NCKAP5: variants seen among roughly 807,000 people sequenced by gnomAD.
NCKAP5 encodes nck-associated protein 5.
A neutral mutation model predicts 167.0 loss-of-function variants in NCKAP5; 92 were observed. The ratio of observed to expected loss-of-function variants is 0.55; its 90% confidence interval spans 0.47 to 0.66. NCKAP5 has a LOEUF of 0.66. Ranked by LOEUF, NCKAP5 falls within the 30% of genes least tolerant of loss-of-function variation. The probability of loss-of-function intolerance (pLI) is 0.00; values close to 1 mark genes in which losing one functional copy is unlikely to be tolerated. For synonymous variants in NCKAP5, 891 were observed against 877.4 expected, an observed-to-expected ratio of 1.02 and a Z score of -0.27; for missense variants, 2,378 against 2,315.0, an observed-to-expected ratio of 1.03 and a Z score of -0.56.
At chr2:132,744,635 TAAA>T (rs74799315) in intron 16 of NCKAP5, among the ~76,000 whole-genome samples, 4 of 145,262 alleles carry the variant, frequency 2.8e-5, no homozygotes, top group African/African-American at 7.5e-5. Context: ...TTAAGAAAAT[TAAA>T]AAAAAAAACA....
intron 5 of NCKAP5, among the ~76,000 whole-genome samples, chr2:133,188,236 T>C (rs1207205156): frequency 1.3e-5 from 2 of 152,110 alleles, no homozygotes; most frequent in South Asian, 2.1e-4. Context: ...GAGCTAACTA[T>C]CCTAAATATA....
chr2:132,773,455 A>G (rs1682269214), intron 16 of NCKAP5, among the ~76,000 whole-genome samples: 1 of 152,252 alleles, frequency 6.6e-6, no homozygotes, highest in African/African-American at 2.4e-5. Flanking sequence ...CGTGTAAAAC[A>G]TTCAATTTAT....
intron 2 of NCKAP5, among the ~76,000 whole-genome samples, chr2:133,554,861 T>A (rs564435155): frequency 1.3e-5 from 2 of 152,226 alleles, no homozygotes; most frequent in African/African-American, 2.4e-5. Flanking sequence ...AAGTCACACA[T>A]GAACTGAAGT....
chr2:133,437,709 T>C (rs1482388431), intron 3 of NCKAP5, among the ~76,000 whole-genome samples: 1 of 152,134 alleles, frequency 6.6e-6, no homozygotes, highest in Non-Finnish European at 1.5e-5. Flanking sequence ...GATGTCAGAC[T>C]TCTTGCATGT....
chr2:133,595,042 G>A, the NCKAP5 span, among the ~76,000 whole-genome samples: 1 of 152,180 alleles, frequency 6.6e-6, no homozygotes, highest in Non-Finnish European at 1.5e-5. Flanking sequence ...AGAAACAACT[G>A]TGGATTCCCA....
chr2:133,216,569 C>T (rs944858554), intron 4 of NCKAP5, among the ~76,000 whole-genome samples: 2 of 152,122 alleles, frequency 1.3e-5, no homozygotes, highest in African/African-American at 4.8e-5. Context: ...CAATTCTAAA[C>T]TTCTACTAGA....
chr2:133,447,528 T>TCCCCCTTCCCTC (rs1691279095), intron 3 of NCKAP5, among the ~76,000 whole-genome samples: 1 of 144,656 alleles, frequency 6.9e-6, no homozygotes, highest in South Asian at 2.4e-4. Context: ...TCCCTTCCTT[T>TCCCCCTTCCCTC]CCCTTCCTTT....
At chr2:132,941,433 A>T (rs1697289447) in intron 8 of NCKAP5, among the ~76,000 whole-genome samples, 1 of 152,176 alleles carries the variant, frequency 6.6e-6, no homozygotes, top group Non-Finnish European at 1.5e-5. Context: ...TAGTCCAACC[A>T]GTTTCAAGCT....
intron 6 of NCKAP5, among the ~76,000 whole-genome samples, chr2:133,020,597 G>T (rs532647285): frequency 5.9e-5 from 9 of 152,306 alleles, no homozygotes; most frequent in South Asian, 4.1e-4. Context: ...TGGGGCACAG[G>T]ATAATGTGTC....
At chr2:132,879,003 CT>C (rs1691542408) in intron 8 of NCKAP5, 87 bp from the exon 9 acceptor site, 1 of 1,020,832 alleles carries the variant, frequency 9.8e-7, no homozygotes, top group Non-Finnish European at 1.5e-6. Context: ...CTAAATATAT[CT>C]CCTCGTGATC....
chr2:132,982,110 AG>A, intron 7 of NCKAP5, among the ~76,000 whole-genome samples: 1 of 152,364 alleles, frequency 6.6e-6, no homozygotes, highest in East Asian at 1.9e-4. Flanking sequence ...GGCTATGTGA[AG>A]GGGAAGAACA....
chr2:132,731,806 A>C lies in NCKAP5; in HGVS notation c.5374T>G (p.Ser1792Ala). Residue 1792 changes from serine (S) to alanine (A), a missense_variant, in exon 17 of 20, where the codon TCC becomes GCC. Physicochemically the swap from Ser to Ala is moderately conservative, Grantham distance 99. Around this residue, in one of 3 missense-constraint regions of NCKAP5, gnomAD observed 1,325 missense variants for 1,274.5 expected, o/e 1.04. Transcript: ENST00000409261. ...CCTCTGGCGGTCATGATGGGGTCGG[A>C]TGTGGAATGAACAATGGCGCTATCT... ...PADSAIVHSTSDPIMTARGMR... is the reference protein window; with the variant it reads ...PADSAIVHSTADPIMTARGMR... 6.2e-7 allele frequency: 1 copy of C among 1,613,778 alleles called. No homozygotes were observed. The highest frequency in any genetic ancestry group is 8.5e-7 in the Non-Finnish European group (1 of 1,179,840).
intron 2 of NCKAP5, chr2:133,556,844 CT>C (rs1687776412): frequency 6.6e-6 from 1 of 152,188 alleles, no homozygotes; most frequent in Non-Finnish European, 1.5e-5. Flanking sequence ...TCTAAAAGAT[CT>C]GAGTAAGTAT....
intron 6 of NCKAP5, among the ~76,000 whole-genome samples, chr2:133,126,094 C>T (rs888648045): frequency 1.3e-5 from 2 of 152,204 alleles, no homozygotes; most frequent in African/African-American, 4.8e-5. Flanking sequence ...GCTGAAACTG[C>T]ATAAAATTAA....
At chr2:132,863,988 C>T (rs1490161990) in intron 10 of NCKAP5, among the ~76,000 whole-genome samples, 1 of 152,206 alleles carries the variant, frequency 6.6e-6, no homozygotes, top group Non-Finnish European at 1.5e-5. Flanking sequence ...AACAGGAACA[C>T]TTTGACATAA....
At chr2:132,941,502 G>A (rs556967295) in intron 8 of NCKAP5, among the ~76,000 whole-genome samples, 35 of 152,262 alleles carry the variant, frequency 2.3e-4, no homozygotes, top group African/African-American at 6.7e-4. Flanking sequence ...CCACTGGGGC[G>A]GCAGAACTGG....
At chr2:132,847,847 G>A (rs754577200) in intron 11 of NCKAP5, among the ~76,000 whole-genome samples, 9 of 152,154 alleles carry the variant, frequency 5.9e-5, no homozygotes, top group African/African-American at 9.7e-5. Context: ...GCTAACCCAC[G>A]GTGACAGAAA....
chr2:133,082,595 T>C (rs1479339766), intron 6 of NCKAP5, among the ~76,000 whole-genome samples: 1 of 152,104 alleles, frequency 6.6e-6, no homozygotes, highest in East Asian at 1.9e-4. Flanking sequence ...ACTTCTGCCA[T>C]GTTGAAGCTC....
chr2:133,670,563 G>A, the NCKAP5 span, among the ~76,000 whole-genome samples: 2 of 152,280 alleles, frequency 1.3e-5, no homozygotes, highest in East Asian at 3.9e-4. Context: ...AACATTTATT[G>A]TGCATCTTGT....
Sources: gnomAD v4.1 joint callset for allele counts (sites outside exome capture counted in the v4.1 genomes callset) on GRCh38, gnomAD v4.1.1 for gene constraint, gnomAD v4.1.1 regional missense constraint, MANE v1.5 for transcripts, NCBI Gene and HGNC (gene_info 2026-07-23, HGNC 2026-07-21) for gene names.